Variants in TRIML1 observed in about 807,000 individuals in gnomAD.
TRIML1 encodes the protein tripartite motif family like 1.
A neutral mutation model predicts 32.3 loss-of-function variants in TRIML1; 34 were observed. That is an observed-to-expected ratio of 1.05 (90% CI 0.80 to 1.40). The LOEUF (loss-of-function observed/expected upper bound fraction) is 1.40, where lower values mean the gene tolerates loss of function less well. Ranked by LOEUF, TRIML1 falls within the 40% of genes most tolerant of loss-of-function variation. The pLI, the probability that TRIML1 is intolerant of heterozygous loss-of-function variation, is 0.00. For missense variants in TRIML1, 595 were observed against 574.9 expected (o/e 1.03, Z -0.36); for synonymous variants, 244 against 226.6 (o/e 1.08, Z -0.69).
rs1344772412 is a variant in TRIML1 at position 188,144,401 on chromosome 4, G to C, written c.856+268G>C. 2.7e-3 allele frequency among the ~76,000 whole-genome samples: 406 copies of C among 148,998 alleles called. 2 individuals carry two copies. Among genetic ancestry groups the C allele is most frequent in the African/African-American group, 9.7e-3 (391 of 40,252 alleles). On this transcript the variant is annotated intron_variant, in intron 5 of 5. Coordinates refer to ENST00000332517, the MANE Select transcript of TRIML1 (RefSeq NM_178556.5). ...TCTTTGAGACGGAGTCTCACTCCGT[G>C]TCCCGGGCTGGAGCGCAGGGGCGCG...
chr4:188,139,399 G>A (rs1734759361), upstream of TRIML1: 3 of 691,196 alleles, frequency 4.3e-6, no homozygotes, highest in South Asian at 4.3e-5. Context: ...GACAGTGTAT[G>A]TCAGCTGGTG....
Position 188,141,325 on chromosome 4 carries a change from G to A in TRIML1, c.504+702G>A, listed in dbSNP as rs146237289. ...TGGGATTACAGACGTGTGCCACCAT[G>A]CCCAGCTAATTTTGTATATTTGTGG... On this transcript the variant is annotated intron_variant, in intron 2 of 5. Transcript: ENST00000332517. Among the ~76,000 whole-genome samples, 266 of 151,946 alleles carry A rather than the reference G, an allele frequency of 1.8e-3. 1 individual carries two copies. The highest frequency in any genetic ancestry group is 6.1e-3 in the African/African-American group (254 of 41,458).
intron 5 of TRIML1, among the ~76,000 whole-genome samples, chr4:188,144,490 G>C (rs1361786127): frequency 6.9e-6 from 1 of 145,274 alleles, no homozygotes; most frequent in Non-Finnish European, 1.5e-5. Context: ...AGCCTCCCGA[G>C]TAGCTGGGAC....
chr4:188,146,818 G>A lies in TRIML1; in HGVS notation c.857-4G>A. The A allele has an allele frequency of 7.4e-7, 1 of 1,358,044 alleles. No individual in the cohort carries two copies. The highest frequency in any genetic ancestry group is 2.7e-5 in the East Asian group (1 of 37,270). 84.1% of individuals were successfully genotyped at this position (1,358,044 alleles called of 1,614,324 possible). On this transcript the variant is annotated splice_region_variant and splice_polypyrimidine_tract_variant and intron_variant, in intron 5 of 5. Coordinates refer to ENST00000332517, the MANE Select transcript of TRIML1 (RefSeq NM_178556.5). ...GGGAAATCTCTTCTTTCCTCCTCTT[G>A]CAGCGGAGATAACGCTGGACCCAGC...
chr4:188,140,364 C>T (rs1001653430), intron 1 of TRIML1, among the ~76,000 whole-genome samples, 164 bp from the exon 2 acceptor site: 16 of 152,102 alleles, frequency 1.1e-4, no homozygotes, highest in Non-Finnish European at 2.2e-4. Context: ...TCAGGTGATC[C>T]GCCTGCCTCG....
At chr4:188,150,124 AATT>A (rs200418252), downstream of TRIML1, among the ~76,000 whole-genome samples, 28 of 148,024 alleles carry the variant, frequency 1.9e-4, no homozygotes, top group East Asian at 5.6e-3. Flanking sequence ...TATTTTTAAA[AATT>A]ATTATTATTA....
intron 3 of TRIML1, chr4:188,142,889 A>G: frequency 5.9e-6 from 1 of 169,280 alleles, no homozygotes; most frequent in Non-Finnish European, 1.3e-5. Flanking sequence ...TGTCATCTAC[A>G]GGATGGGTTA....
intron 5 of TRIML1, among the ~76,000 whole-genome samples, chr4:188,145,326 C>T (rs1307962466): frequency 6.6e-6 from 1 of 151,282 alleles, no homozygotes; most frequent in Non-Finnish European, 1.5e-5. Context: ...CCTGTAATCC[C>T]AGCTACTCGG....
intron 5 of TRIML1, among the ~76,000 whole-genome samples, chr4:188,146,181 C>G (rs1169300961): frequency 2.7e-5 from 4 of 149,324 alleles, no homozygotes; most frequent in Admixed American, 2.6e-4. Context: ...CCTCCCATGG[C>G]TAATATGATG....
At chr4:188,150,037 C>T (rs1006882530), downstream of TRIML1, among the ~76,000 whole-genome samples, 2 of 152,074 alleles carry the variant, frequency 1.3e-5, no homozygotes, top group East Asian at 1.9e-4. Context: ...ATCTCCTGAC[C>T]TCCTGATCCG....
downstream of TRIML1, among the ~76,000 whole-genome samples, chr4:188,148,828 C>T (rs1488563226): frequency 2.0e-5 from 3 of 151,042 alleles, no homozygotes; most frequent in Admixed American, 6.6e-5. Flanking sequence ...TCTTGAACCC[C>T]TGACCTCAGG....
At chr4:188,137,770 C>T (rs894691592), upstream of TRIML1, among the ~76,000 whole-genome samples, 8 of 151,790 alleles carry the variant, frequency 5.3e-5, no homozygotes, top group African/African-American at 1.2e-4. Context: ...AACCACTGCA[C>T]CCGGCCTAAT....
Position 188,144,144 on chromosome 4 carries a change from C to G in TRIML1, c.856+11C>G. ...TAAGAAAATTCAGCAGTAAGTCAGC[C>G]TGATTTGTTACCCCTCCGGGGCTCG... is the stretch of plus-strand genomic sequence containing the variant. On this transcript the variant is annotated intron_variant, in intron 5 of 5. Transcript: ENST00000332517. The G allele has an allele frequency of 5.6e-6, 9 of 1,611,740 alleles. No individual in the cohort carries two copies. The highest frequency in any genetic ancestry group is 6.8e-6 in the Non-Finnish European group (8 of 1,178,346).
At chr4:188,150,539 A>C (rs57259454), downstream of TRIML1, among the ~76,000 whole-genome samples, 34,969 of 152,102 alleles carry the variant, frequency 0.23, 4,398 homozygotes, top group Middle Eastern at 0.38. Context: ...CTCAATTACC[A>C]AAAATCCCAG....
At chr4:188,144,774 T>A (rs1025071413) in intron 5 of TRIML1, among the ~76,000 whole-genome samples, 4 of 152,088 alleles carry the variant, frequency 2.6e-5, no homozygotes, top group South Asian at 2.1e-4. Context: ...CTGATCCCGT[T>A]AGGATGAAAG....
chr4:188,144,652 G>A (rs912500790), intron 5 of TRIML1, among the ~76,000 whole-genome samples: 21 of 152,032 alleles, frequency 1.4e-4, no homozygotes, highest in Non-Finnish European at 2.6e-4. Flanking sequence ...GTGAGCCACT[G>A]CGCCCAGCCA....
chr4:188,137,772 C>T (rs147451477), upstream of TRIML1, among the ~76,000 whole-genome samples: 1,217 of 151,934 alleles, frequency 8.0e-3, 22 homozygotes, highest in African/African-American at 0.027. Context: ...CCACTGCACC[C>T]GGCCTAATTT....
Position 188,140,640 on chromosome 4 carries a change from C to G in TRIML1, c.504+17C>G. The G allele has an allele frequency of 6.3e-7, 1 of 1,581,660 alleles. No homozygotes were observed. The highest frequency in any genetic ancestry group is 8.7e-7 in the Non-Finnish European group (1 of 1,150,724). On this transcript the variant is annotated intron_variant, in intron 2 of 5. Coordinates refer to ENST00000332517, the MANE Select transcript of TRIML1 (RefSeq NM_178556.5). Reference sequence around the variant, plus strand: ...CTGTGCCAGGTCGGTGTCTGTCTGACTTTTGCTGCTTGTATATGACCCCAT... The same window carrying G: ...CTGTGCCAGGTCGGTGTCTGTCTGAGTTTTGCTGCTTGTATATGACCCCAT...
In TRIML1 at chr4:188,142,235, TG is replaced by T; in HGVS notation, c.505-16del. On this transcript the variant is annotated splice_polypyrimidine_tract_variant and intron_variant, in intron 2 of 5. Transcript: ENST00000332517. ...GTGTGTGTGTGTGTGTGTGTGTGTG[TG>T]TGTGTGTTTTGGCAGGAAGAAACAA... 8.9e-6 allele frequency: 13 copies of T among 1,465,248 alleles called. No individual in the cohort carries two copies. Among genetic ancestry groups the T allele is most frequent in the South Asian group, 1.1e-5 (1 of 87,474 alleles). The allele number at this position is 1,465,248 out of a possible 1,614,324, so 90.8% of individuals were successfully genotyped here.
Sources: gnomAD v4.1 joint callset for allele counts (sites outside exome capture counted in the v4.1 genomes callset) on GRCh38, gnomAD v4.1.1 for gene constraint, MANE v1.5 for transcripts, NCBI Gene and HGNC (gene_info 2026-07-23, HGNC 2026-07-21) for gene names.